AGBL4: variants seen among roughly 807,000 people sequenced by gnomAD.
AGBL4 encodes AGBL carboxypeptidase 4.
Under a neutral mutation model 66.4 loss-of-function variants are expected in AGBL4, and 58 were observed. That is an observed-to-expected ratio of 0.87 (90% CI 0.71 to 1.09). The LOEUF (loss-of-function observed/expected upper bound fraction) is 1.09. Ranked by LOEUF, AGBL4 falls within the 50% of genes least tolerant of loss-of-function variation. AGBL4 has a pLI of 0.00. For synonymous variants in AGBL4, 234 were observed against 222.9 expected, an observed-to-expected ratio of 1.05 and a Z score of -0.44; for missense variants, 579 against 631.0, an observed-to-expected ratio of 0.92 and a Z score of 0.88.
intron 2 of AGBL4, among the ~76,000 whole-genome samples, chr1:49,725,486 G>A (rs148469826): frequency 8.6e-4 from 131 of 152,148 alleles, no homozygotes; most frequent in African/African-American, 3.0e-3. Context: ...ATCTATGCTG[G>A]GCTGTCCAGC....
At chr1:49,652,392 TC>T (rs1300027140) in intron 3 of AGBL4, among the ~76,000 whole-genome samples, 2 of 152,162 alleles carry the variant, frequency 1.3e-5, no homozygotes, top group Non-Finnish European at 2.9e-5. Flanking sequence ...ATCTTGCTTT[TC>T]CCACAGATCC....
intron 3 of AGBL4, among the ~76,000 whole-genome samples, chr1:49,449,471 A>C (rs1646230272): frequency 6.6e-6 from 1 of 152,066 alleles, no homozygotes; most frequent in Non-Finnish European, 1.5e-5. Flanking sequence ...CCATCTCAGA[A>C]GGCATATTCC....
At chr1:48,573,534 A>G (rs1453578803) in intron 11 of AGBL4, among the ~76,000 whole-genome samples, 3 of 151,930 alleles carry the variant, frequency 2.0e-5, no homozygotes, top group African/African-American at 7.3e-5. Flanking sequence ...TTGACTGTAG[A>G]CTGAGTCCTG....
At chr1:49,622,692 T>C (rs1391097899) in intron 3 of AGBL4, among the ~76,000 whole-genome samples, 2 of 146,216 alleles carry the variant, frequency 1.4e-5, no homozygotes, top group African/African-American at 5.0e-5. Flanking sequence ...TGCAGGGTCA[T>C]TGTAAAGATC....
At chr1:49,385,480 AAAT>A (rs1644717569) in intron 3 of AGBL4, among the ~76,000 whole-genome samples, 1 of 152,042 alleles carries the variant, frequency 6.6e-6, no homozygotes, top group Non-Finnish European at 1.5e-5. Flanking sequence ...TCCCTAAATG[AAAT>A]AAAATGAAAT....
chr1:49,947,992 A>G (rs1571932994), intron 1 of AGBL4, among the ~76,000 whole-genome samples: 1 of 91,160 alleles, frequency 1.1e-5, no homozygotes, highest in Non-Finnish European at 1.9e-5. Context: ...ATATATTTAT[A>G]TATATAAATA....
chr1:49,592,154 T>A (rs1169556499), intron 3 of AGBL4, among the ~76,000 whole-genome samples: 1 of 152,092 alleles, frequency 6.6e-6, no homozygotes, highest in Non-Finnish European at 1.5e-5. Context: ...ACAGACAACC[T>A]ACAGAATGGA....
chr1:49,932,721 G>A (rs1009090425), intron 1 of AGBL4, among the ~76,000 whole-genome samples: 1 of 151,992 alleles, frequency 6.6e-6, no homozygotes, highest in Non-Finnish European at 1.5e-5. Context: ...AACCCTCCTA[G>A]ACAGAAACAT....
At chr1:48,783,922 C>A (rs140419599) in intron 6 of AGBL4, among the ~76,000 whole-genome samples, 1 of 152,074 alleles carries the variant, frequency 6.6e-6, no homozygotes, top group African/African-American at 2.4e-5. Flanking sequence ...TATAGGGATC[C>A]TAAATGTCTA....
chr1:49,070,588 G>C (rs926841597), intron 4 of AGBL4, among the ~76,000 whole-genome samples: 2 of 151,978 alleles, frequency 1.3e-5, no homozygotes, highest in Admixed American at 1.3e-4. Flanking sequence ...AAACCGACTT[G>C]ATTGTGGTGG....
chr1:48,868,195 T>C lies in AGBL4; in HGVS notation c.595-965A>G, dbSNP rs72891858. Among the ~76,000 whole-genome samples, 239 of 152,332 alleles carry C rather than the reference T, an allele frequency of 1.6e-3. 4 individuals carry two copies. Among genetic ancestry groups the C allele is most frequent in the African/African-American group, 5.5e-3 (229 of 41,580 alleles). On this transcript the variant is annotated intron_variant, in intron 5 of 13. Coordinates refer to ENST00000371839, the MANE Select transcript of AGBL4 (RefSeq NM_032785.4). ...CAAACAAATTCCATTTTGAGAGTCA[T>C]TGCTCTAGATTACAAATTGCAGGAG...
At chr1:49,845,941 A>C (rs1290235070) in intron 2 of AGBL4, 1 of 1,507,256 alleles carries the variant, frequency 6.6e-7, no homozygotes, top group Non-Finnish European at 9.2e-7. Context: ...GCAGCAAGGC[A>C]TTCAGCCACA....
intron 2 of AGBL4, among the ~76,000 whole-genome samples, chr1:49,705,164 A>G (rs1347708076): frequency 7.2e-5 from 11 of 152,050 alleles, no homozygotes; most frequent in Admixed American, 5.9e-4. Context: ...TTGTATTCCT[A>G]GGTATTTTAT....
chr1:49,779,315 G>A (rs1226751555), intron 2 of AGBL4, among the ~76,000 whole-genome samples: 1 of 152,092 alleles, frequency 6.6e-6, no homozygotes, highest in Non-Finnish European at 1.5e-5. Flanking sequence ...TAACAATCAA[G>A]GCTTTATTCA....
rs1027531090 is a variant in AGBL4, at chr1:48,754,393, G to A, written c.635-91152C>T. Among the ~76,000 whole-genome samples the A allele has an allele frequency of 5.3e-5, 8 of 152,166 alleles. No individual in the cohort carries two copies. In the East Asian group the frequency reaches 9.7e-4, roughly 18 times the overall value. On this transcript the variant is annotated intron_variant, in intron 6 of 13. Coordinates refer to ENST00000371839, the MANE Select transcript of AGBL4 (RefSeq NM_032785.4). ...AAAGGCACTCTGTCTTGTTCATTACGTTATTCCCAGCACCTAACCCAGTCC... is the reference window on the plus strand; with the variant it reads ...AAAGGCACTCTGTCTTGTTCATTACATTATTCCCAGCACCTAACCCAGTCC...
At chr1:49,086,954 T>C (rs1644918579) in intron 4 of AGBL4, among the ~76,000 whole-genome samples, 1 of 151,518 alleles carries the variant, frequency 6.6e-6, no homozygotes, top group Non-Finnish European at 1.5e-5. Flanking sequence ...AGGAGTGGTC[T>C]AGAATTAAGG....
intron 5 of AGBL4, among the ~76,000 whole-genome samples, chr1:48,940,817 G>C (rs1655905709): frequency 6.6e-6 from 1 of 152,174 alleles, no homozygotes; most frequent in South Asian, 2.1e-4. Flanking sequence ...CCAACCCTGA[G>C]ATTCAATTGT....
At position 49,865,344 on chromosome 1, in the gene AGBL4, C is replaced by T. The variant is rs372413483; in HGVS notation, c.35-13826G>A. 1.4e-3 allele frequency among the ~76,000 whole-genome samples: 209 copies of T among 152,186 alleles called. 1 individual carries two copies. The highest frequency in any genetic ancestry group is 4.7e-3 in the African/African-American group (196 of 41,502). ...GCCAGACACTTTATACAGGAATATTCCCTCTGGCATCAGGTCAGTGCCCCT... is the reference window on the plus strand; with the variant it reads ...GCCAGACACTTTATACAGGAATATTTCCTCTGGCATCAGGTCAGTGCCCCT... On this transcript the variant is annotated intron_variant, in intron 1 of 13. Transcript: ENST00000371839.
At chr1:48,568,840 A>G (rs1007565538) in intron 11 of AGBL4, among the ~76,000 whole-genome samples, 2 of 152,104 alleles carry the variant, frequency 1.3e-5, no homozygotes, top group Non-Finnish European at 2.9e-5. Flanking sequence ...GTGTCCTTTC[A>G]GGGTACTCTT....
Sources: gnomAD v4.1 joint callset for allele counts (sites outside exome capture counted in the v4.1 genomes callset) on GRCh38, gnomAD v4.1.1 for gene constraint, MANE v1.5 for transcripts, NCBI Gene and HGNC (gene_info 2026-07-23, HGNC 2026-07-21) for gene names.